The following CDC42BPB variants were observed in gnomAD, a reference collection of about 807,000 sequenced individuals.
CDC42BPB encodes the protein serine/threonine-protein kinase MRCK beta.
Under a neutral mutation model 214.9 loss-of-function variants are expected in CDC42BPB, and 37 were observed. That is an observed-to-expected ratio of 0.17 (90% CI 0.13 to 0.23). The LOEUF (loss-of-function observed/expected upper bound fraction) is 0.23. Among genes scored for constraint, CDC42BPB ranks in the 10% least tolerant of loss-of-function variants. CDC42BPB has a pLI of 1.00. For synonymous variants in CDC42BPB, 931 were observed against 884.0 expected, an observed-to-expected ratio of 1.05 and a Z score of -0.94; for missense variants, 1,694 against 2,227.0, an observed-to-expected ratio of 0.76 and a Z score of 4.82.
intron 1 of CDC42BPB, among the ~76,000 whole-genome samples, chr14:103,050,796 T>C (rs759797506): frequency 6.6e-6 from 1 of 152,050 alleles, no homozygotes; most frequent in African/African-American, 2.4e-5. Context: ...TTCCAACCTA[T>C]GACTCTGCAA....
intron 21 of CDC42BPB, among the ~76,000 whole-genome samples, chr14:102,959,170 G>T (rs979050190): frequency 2.6e-5 from 4 of 151,750 alleles, no homozygotes; most frequent in African/African-American, 9.7e-5. Flanking sequence ...GGTGGTGGGT[G>T]CCTGTAGTCC....
intron 1 of CDC42BPB, among the ~76,000 whole-genome samples, chr14:103,018,922 G>C (rs568431518): frequency 6.6e-6 from 1 of 152,270 alleles, no homozygotes; most frequent in African/African-American, 2.4e-5. Context: ...AGCTTCCAGG[G>C]AGGATGCAGG....
chr14:102,985,048 T>C (rs1321159062), intron 6 of CDC42BPB, among the ~76,000 whole-genome samples: 1 of 150,982 alleles, frequency 6.6e-6, no homozygotes, highest in Non-Finnish European at 1.5e-5. Context: ...GGTGTGGAGG[T>C]GAGGAGGGTA....
intron 11 of CDC42BPB, 171 bp from the exon 12 acceptor site, chr14:102,974,320 A>T (rs562247653): frequency 2.0e-6 from 2 of 983,260 alleles, no homozygotes; most frequent in Non-Finnish European, 2.4e-6. Flanking sequence ...ACACACACAC[A>T]GTGTCATAGG....
rs749105563 is a variant in CDC42BPB at position 103,057,016 on chromosome 14, G to A, written c.158C>T (p.Ala53Val). ...GCACTTACCCCACTCGAGGAACTCG[G>A]CCACGTACTTGTCGCGGCGCAGGGC... is the stretch of plus-strand genomic sequence containing the variant. ...HSALRRDKYV[A>V]EFLEWAKPFT... The change falls in exon 1 of 37, where the codon GCC becomes GTC. Residue 53 changes from alanine (A) to valine (V), a missense_variant. By Grantham distance (64) the Ala-to-Val change is moderately conservative. This residue lies in a region of CDC42BPB where 83 missense variants were observed against 79.9 expected (regional missense o/e 1.04). Coordinates refer to ENST00000361246, the MANE Select transcript of CDC42BPB (RefSeq NM_006035.4). 6 of 1,490,120 alleles carry A rather than the reference G, an allele frequency of 4.0e-6. No homozygotes were observed. Among genetic ancestry groups the A allele is most frequent in the Admixed American group, 4.5e-5 (2 of 43,994 alleles). The allele number at this position is 1,490,120 out of a possible 1,614,324, so 92.3% of individuals were successfully genotyped here.
intron 1 of CDC42BPB, 127 bp downstream of exon 1, chr14:103,056,872 C>T: frequency 1.6e-6 from 1 of 606,894 alleles, no homozygotes; most frequent in Non-Finnish European, 2.6e-6. Flanking sequence ...GGAGGCGAAG[C>T]CCACGAGCTG....
At chr14:102,954,488 G>A (rs1463227150) in intron 22 of CDC42BPB, 114 bp downstream of exon 22, 1 of 1,368,290 alleles carries the variant, frequency 7.3e-7, no homozygotes, top group Non-Finnish European at 9.8e-7. Flanking sequence ...TTGAGCACCT[G>A]GGCAGAGGCC....
chr14:103,027,588 A>T (rs1472281205), intron 1 of CDC42BPB, among the ~76,000 whole-genome samples: 1 of 152,220 alleles, frequency 6.6e-6, no homozygotes, highest in Non-Finnish European at 1.5e-5. Flanking sequence ...CCTTGAAAAG[A>T]TTATGCTAAA....
chr14:102,976,193 C>G (rs1893735648), intron 9 of CDC42BPB, 144 bp from the exon 10 acceptor site: 1 of 1,438,962 alleles, frequency 6.9e-7, no homozygotes, highest in South Asian at 1.5e-5. Flanking sequence ...TTTATGGAAC[C>G]AAAGTTAGAC....
At chr14:102,973,890 C>T in intron 12 of CDC42BPB, 126 bp downstream of exon 12, 2 of 1,227,220 alleles carry the variant, frequency 1.6e-6, no homozygotes, top group Non-Finnish European at 2.2e-6. Flanking sequence ...CCCTGGCGTC[C>T]TGCATGCAGC....
At chr14:103,010,405 G>T (rs17590354) in intron 2 of CDC42BPB, among the ~76,000 whole-genome samples, 7,192 of 152,314 alleles carry the variant, frequency 0.047, 174 homozygotes, top group Middle Eastern at 0.075. Flanking sequence ...ACGATGGGAC[G>T]AGCCTTGCAG....
Position 102,946,517 on chromosome 14 carries a change from G to A in CDC42BPB, c.3699C>T (p.Tyr1233=), listed in dbSNP as rs374498637. The part of the protein sequence containing the change: ...NQVVHVPLEA[Y]DSSLPLIKAI... ...CCTTGATGAGAGGCAGCGAGCTGTC[G>A]TAGGCTTCCAAGGGAACATGCACGA... The change falls in exon 28 of 37, where the codon TAC becomes TAT. Residue 1233 remains tyrosine, a synonymous_variant. Coordinates refer to ENST00000361246, the MANE Select transcript of CDC42BPB (RefSeq NM_006035.4). 51 of 1,612,786 alleles carry A rather than the reference G, an allele frequency of 3.2e-5. No individual in the cohort carries two copies. The African/African-American group carries it at 3.5e-4, about 11-fold the overall frequency.
chr14:103,046,433 C>T (rs1888286545), intron 1 of CDC42BPB, among the ~76,000 whole-genome samples: 1 of 152,120 alleles, frequency 6.6e-6, no homozygotes, highest in Non-Finnish European at 1.5e-5. Flanking sequence ...AGCCAGTAAT[C>T]ACCAGAGTTT....
In CDC42BPB at chr14:103,056,564, TGCGGGGGCGGGG is replaced by T. The variant is rs537537611; in HGVS notation, c.175+423_175+434del. Among the ~76,000 whole-genome samples the T allele has an allele frequency of 6.9e-3, 650 of 94,306 alleles. 5 individuals carry two copies. The highest frequency in any genetic ancestry group is 0.02 in the African/African-American group (497 of 25,382). 61.9% of individuals were successfully genotyped at this position (94,306 alleles called of 152,430 possible). A position where few individuals can be genotyped will look rare whatever the true frequency, so the allele number is the denominator to read the frequency against. ...CTGCCTCCGGACCCCAAAGGCGAGG[TGCGGGGGCGGGG>T]GCGGGGGCGGGGGCGGATATCCCAG... is the stretch of plus-strand genomic sequence containing the variant. On this transcript the variant is annotated intron_variant, in intron 1 of 36. Transcript: ENST00000361246.
chr14:102,946,454 C>T lies in CDC42BPB; in HGVS notation c.3748+14G>A, dbSNP rs374048113. 6.2e-7 allele frequency: 1 copy of T among 1,612,188 alleles called. No individual in the cohort carries two copies. The highest frequency in any genetic ancestry group is 8.5e-7 in the Non-Finnish European group (1 of 1,179,904). ...TGCTTCAGACACCTGAAGGACACAA[C>T]CTTTGGGACGTACCCACGATGGCAG... On this transcript the variant is annotated intron_variant, in intron 28 of 36. Coordinates refer to ENST00000361246, the MANE Select transcript of CDC42BPB (RefSeq NM_006035.4).
At position 103,004,207 on chromosome 14, in the gene CDC42BPB, A is replaced by C; in HGVS notation, c.352-184T>G. 2 of 1,324,820 alleles carry C rather than the reference A, an allele frequency of 1.5e-6. No homozygotes were observed. The highest frequency in any genetic ancestry group is 9.7e-7 in the Non-Finnish European group (1 of 1,033,678). 82.1% of individuals were successfully genotyped at this position (1,324,820 alleles called of 1,614,324 possible). On this transcript the variant is annotated intron_variant, in intron 3 of 36. Coordinates refer to ENST00000361246, the MANE Select transcript of CDC42BPB (RefSeq NM_006035.4). The surrounding 1 kb of genome is among the most constrained non-coding windows in gnomAD (Gnocchi z 5.3). ...GCCATCCCTCATCCCTTCCTCTCCC[A>C]AGCCCCGTGCAAGTGCCAAGGGCTG...
chr14:103,005,374 CTT>C (rs1385150452), intron 3 of CDC42BPB, among the ~76,000 whole-genome samples: 3 of 152,156 alleles, frequency 2.0e-5, no homozygotes, highest in Middle Eastern at 3.2e-3. Context: ...ACCTCTGAAA[CTT>C]ATTTCTTCTA....
At chr14:102,941,635 AG>A (rs1891894943) in intron 30 of CDC42BPB, 1 of 849,326 alleles carries the variant, frequency 1.2e-6, no homozygotes, top group African/African-American at 1.8e-5. Flanking sequence ...GAAGAAGTCT[AG>A]TTTGCTGACT....
chr14:102,941,695 A>C (rs1188589856), intron 30 of CDC42BPB: 1 of 324,760 alleles, frequency 3.1e-6, no homozygotes, highest in Admixed American at 6.5e-5. Flanking sequence ...AACAGATTCT[A>C]GTGAAAAGAA....
Sources: gnomAD v4.1 joint callset for allele counts (sites outside exome capture counted in the v4.1 genomes callset) on GRCh38, gnomAD v4.1.1 for gene constraint, gnomAD v4.1.1 regional missense constraint, Gnocchi (gnomAD v3.1) non-coding constraint, MANE v1.5 for transcripts, NCBI Gene and HGNC (gene_info 2026-07-23, HGNC 2026-07-21) for gene names.